Variants in XYLT1 observed in about 807,000 individuals in gnomAD.
XYLT1 encodes the protein beta-D-xylosyltransferase 1.
In XYLT1, 36 loss-of-function variants were observed where a neutral mutation model predicts 91.3. The observed-to-expected ratio is 0.39, with a 90% CI of 0.30 to 0.52. The LOEUF is 0.52. Among genes scored for constraint, XYLT1 ranks in the 20% least tolerant of loss-of-function variants. XYLT1 has a pLI of 0.68. For synonymous variants in XYLT1, 588 were observed against 532.0 expected (o/e 1.11, Z -1.45); for missense variants, 1,242 against 1,284.5 (o/e 0.97, Z 0.51).
intron 3 of XYLT1, among the ~76,000 whole-genome samples, chr16:17,236,724 T>C (rs768284928): frequency 2.6e-5 from 4 of 152,222 alleles, no homozygotes; most frequent in African/African-American, 9.6e-5. Context: ...CGGTAATTCA[T>C]GTTCCTTGGC....
chr16:17,123,496 G>A (rs2030146227), intron 10 of XYLT1, among the ~76,000 whole-genome samples: 2 of 152,168 alleles, frequency 1.3e-5, no homozygotes, highest in African/African-American at 4.8e-5. Flanking sequence ...GGTTCCTTTT[G>A]GAGTTAATTT....
At chr16:17,281,630 G>A (rs2034060287) in intron 2 of XYLT1, among the ~76,000 whole-genome samples, 1 of 152,182 alleles carries the variant, frequency 6.6e-6, no homozygotes, top group Non-Finnish European at 1.5e-5. Flanking sequence ...TTTGTCTGTT[G>A]CACAGGGAAA....
intron 2 of XYLT1, among the ~76,000 whole-genome samples, chr16:17,291,273 G>T (rs1007643827): frequency 1.3e-5 from 2 of 152,214 alleles, no homozygotes; most frequent in African/African-American, 4.8e-5. Flanking sequence ...TCAAACTGCT[G>T]GGTGTGGGTG....
In XYLT1 at chr16:17,343,493, C is replaced by G. The variant is rs555677379; in HGVS notation, c.402+14519G>C. ...AATGAAAAAAAAGAATAATTTGAGA[C>G]AGGATCTCGCTCTATCACCCAGGCT... On this transcript the variant is annotated intron_variant, in intron 2 of 11. Coordinates refer to ENST00000261381, the MANE Select transcript of XYLT1 (RefSeq NM_022166.4). Among the ~76,000 whole-genome samples the G allele has an allele frequency of 7.7e-4, 118 of 152,274 alleles. 2 individuals carry two copies. Among genetic ancestry groups the G allele is most frequent in the African/African-American group, 2.2e-3 (90 of 41,562 alleles).
intron 2 of XYLT1, among the ~76,000 whole-genome samples, chr16:17,272,203 C>G (rs1415852928): frequency 3.5e-5 from 5 of 142,104 alleles, no homozygotes; most frequent in Non-Finnish European, 7.6e-5. Context: ...GCTTTGTCAC[C>G]CAGGCTGGAG....
Position 17,158,915 on chromosome 16 carries a change from G to T in XYLT1, c.1290-6C>A. On this transcript the variant is annotated splice_region_variant and splice_polypyrimidine_tract_variant and intron_variant, in intron 5 of 11. Coordinates refer to ENST00000261381, the MANE Select transcript of XYLT1 (RefSeq NM_022166.4). The stretch of plus-strand genomic sequence containing the variant: ...CCACCAACTGGTCATTTGTCCTGTG[G>T]AAACAAACCAAGGGGAGAGTCAGGC... 1 of 1,613,948 alleles carries T rather than the reference G, an allele frequency of 6.2e-7. No homozygotes were observed. The highest frequency in any genetic ancestry group is 8.5e-7 in the Non-Finnish European group (1 of 1,179,888).
At chr16:17,234,592 T>A (rs1258993964) in intron 3 of XYLT1, among the ~76,000 whole-genome samples, 1 of 152,076 alleles carries the variant, frequency 6.6e-6, no homozygotes. Context: ...ACTCTTTTTT[T>A]TTTTTTGGCA....
chr16:17,155,401 C>T (rs1293153861), intron 6 of XYLT1, among the ~76,000 whole-genome samples: 1 of 152,230 alleles, frequency 6.6e-6, no homozygotes, highest in East Asian at 1.9e-4. Flanking sequence ...TACCTGAAGT[C>T]AGCCCTAATG....
At chr16:17,262,513 C>T (rs895764098) in intron 2 of XYLT1, among the ~76,000 whole-genome samples, 3 of 152,116 alleles carry the variant, frequency 2.0e-5, no homozygotes, top group African/African-American at 7.2e-5. Flanking sequence ...TAGCGTCTGT[C>T]GGGATGGAGC....
In XYLT1 at chr16:17,219,750, C is replaced by T. The variant is rs554399794; in HGVS notation, c.914-19096G>A. ...TCTGCCTCTGGGTTCAAGTGATTCTCCTGTGCAGTGGCTCACGCCTGTAAT... is the reference window on the plus strand; with the variant it reads ...TCTGCCTCTGGGTTCAAGTGATTCTTCTGTGCAGTGGCTCACGCCTGTAAT... On this transcript the variant is annotated intron_variant, in intron 3 of 11. Coordinates refer to ENST00000261381, the MANE Select transcript of XYLT1 (RefSeq NM_022166.4). 5.3e-5 allele frequency among the ~76,000 whole-genome samples: 8 copies of T among 152,256 alleles called. No homozygotes were observed. In the East Asian group the frequency reaches 9.7e-4, roughly 18 times the overall value.
intron 2 of XYLT1, among the ~76,000 whole-genome samples, chr16:17,260,032 A>AT (rs34476832): frequency 0.04 from 5,700 of 142,488 alleles, 171 homozygotes; most frequent in Admixed American, 0.12. Flanking sequence ...ACCAGCCGCA[A>AT]TTTTTTTTTT....
chr16:17,393,122 G>A (rs886484026), intron 1 of XYLT1, among the ~76,000 whole-genome samples: 1 of 151,956 alleles, frequency 6.6e-6, no homozygotes, highest in Non-Finnish European at 1.5e-5. Flanking sequence ...ATCCTCCAGC[G>A]ACTTTCATCC....
chr16:17,285,683 C>T (rs1409587300), intron 2 of XYLT1, among the ~76,000 whole-genome samples: 1 of 152,240 alleles, frequency 6.6e-6, no homozygotes, highest in African/African-American at 2.4e-5. Flanking sequence ...TGACCCCTGC[C>T]TCTGTCTCCT....
chr16:17,165,829 G>A (rs1192396872), intron 5 of XYLT1, among the ~76,000 whole-genome samples: 1 of 152,244 alleles, frequency 6.6e-6, no homozygotes, highest in Non-Finnish European at 1.5e-5. Flanking sequence ...ATGTGGGCAT[G>A]ATAGGTTTCT....
intron 2 of XYLT1, among the ~76,000 whole-genome samples, chr16:17,353,432 C>T (rs1347894954): frequency 2.6e-5 from 4 of 152,202 alleles, no homozygotes; most frequent in African/African-American, 9.6e-5. Context: ...CAGAAATGAT[C>T]AACTGTCTTG....
chr16:17,137,693 T>C (rs2141513475), intron 8 of XYLT1: 1 of 149,846 alleles, frequency 6.7e-6, no homozygotes. Context: ...CAGAGACAGC[T>C]GTAAAGGGGA....
chr16:17,311,658 G>A (rs1402549263), intron 2 of XYLT1, among the ~76,000 whole-genome samples: 3 of 152,186 alleles, frequency 2.0e-5, no homozygotes, highest in East Asian at 1.9e-4. Context: ...AACTTAGGCA[G>A]TAAAAAGTTT....
intron 2 of XYLT1, among the ~76,000 whole-genome samples, chr16:17,262,700 A>G (rs551456652): frequency 1.4e-4 from 21 of 152,250 alleles, no homozygotes; most frequent in African/African-American, 3.9e-4. Flanking sequence ...TGGATACCAC[A>G]ATATCCAGCC....
At chr16:17,400,902 G>A (rs1239640926) in intron 1 of XYLT1, among the ~76,000 whole-genome samples, 2 of 151,906 alleles carry the variant, frequency 1.3e-5, no homozygotes, top group Non-Finnish European at 2.9e-5. Context: ...GGAAAAAAGG[G>A]GAAGAAAAAC....
Sources: allele counts gnomAD v4.1 joint callset (sites outside exome capture counted in the v4.1 genomes callset), GRCh38; gene constraint gnomAD v4.1.1; transcripts MANE v1.5; gene names NCBI Gene and HGNC (gene_info 2026-07-23, HGNC 2026-07-21).